LTBP1: variants seen among roughly 807,000 people sequenced by gnomAD.
LTBP1 encodes the protein latent transforming growth factor beta binding protein 1, also known as latent-transforming growth factor beta-binding protein 1.
A neutral mutation model predicts 207.6 loss-of-function variants in LTBP1; 129 were observed. That is an observed-to-expected ratio of 0.62 (90% CI 0.54 to 0.72). The LOEUF is 0.72. LTBP1 is among the 30% of genes least tolerant of loss of function. The probability of loss-of-function intolerance (pLI) is 0.00; values close to 1 mark genes in which losing one functional copy is unlikely to be tolerated. For missense variants in LTBP1, 2,281 were observed against 2,217.2 expected (o/e 1.03, Z -0.58); for synonymous variants, 963 against 833.7 (o/e 1.16, Z -2.67).
intron 31 of LTBP1, among the ~76,000 whole-genome samples, 189 bp from the exon 32 acceptor site, chr2:33,388,995 C>T (rs1239174095): frequency 1.3e-5 from 2 of 152,140 alleles, no homozygotes; most frequent in South Asian, 2.1e-4. Flanking sequence ...GTACAGCAGT[C>T]GTTGTACGTG....
At chr2:33,017,085 A>G (rs78766656) in intron 2 of LTBP1, among the ~76,000 whole-genome samples, 6,836 of 152,294 alleles carry the variant, frequency 0.045, 506 homozygotes, top group East Asian at 0.28. Context: ...ATAGTCCAAC[A>G]CCTTAGTTAT....
intron 2 of LTBP1, among the ~76,000 whole-genome samples, chr2:32,996,949 A>G (rs192788461): frequency 1.3e-5 from 2 of 152,158 alleles, no homozygotes; most frequent in African/African-American, 4.8e-5. Context: ...CTGTGGCATA[A>G]TCTTGGCTCA....
At chr2:33,289,874 A>T (rs76767293) in intron 19 of LTBP1, among the ~76,000 whole-genome samples, 5 of 152,320 alleles carry the variant, frequency 3.3e-5, no homozygotes, top group Non-Finnish European at 7.4e-5. Flanking sequence ...GGGAAAAGGC[A>T]ACCATGGGGT....
chr2:33,273,572 A>C, intron 15 of LTBP1, 84 bp from the exon 16 acceptor site: 2 of 1,118,898 alleles, frequency 1.8e-6, no homozygotes, highest in African/African-American at 3.2e-5. Context: ...GTTGGTCAGG[A>C]AACTCAAAGT....
At position 33,362,086 on chromosome 2, in the gene LTBP1, C is replaced by T. The variant is rs537906116; in HGVS notation, c.4270+571C>T. Among the ~76,000 whole-genome samples, 22 of 152,150 alleles carry T rather than the reference C, an allele frequency of 1.4e-4. No individual in the cohort carries two copies. The East Asian group carries it at 2.7e-3, about 19-fold the overall frequency. On this transcript the variant is annotated intron_variant, in intron 28 of 33. Transcript: ENST00000404816. ...GTTATATAATTCTAAAATAAATGTGCGGCCTTTTAATTTTGGTGAATATCC... is the reference window on the plus strand; with the variant it reads ...GTTATATAATTCTAAAATAAATGTGTGGCCTTTTAATTTTGGTGAATATCC...
intron 3 of LTBP1, among the ~76,000 whole-genome samples, chr2:33,081,928 G>C (rs886111491): frequency 6.6e-6 from 1 of 152,106 alleles, no homozygotes; most frequent in African/African-American, 2.4e-5. Flanking sequence ...CCGCCACCAC[G>C]ATTGTTAAGT....
chr2:33,037,681 G>A (rs2075991128), intron 3 of LTBP1, among the ~76,000 whole-genome samples: 1 of 151,888 alleles, frequency 6.6e-6, no homozygotes, highest in South Asian at 2.1e-4. Context: ...AGTATTCATT[G>A]GAATTTTATT....
chr2:33,352,971 T>G (rs13035851), intron 26 of LTBP1, among the ~76,000 whole-genome samples: 12 of 60,666 alleles, frequency 2.0e-4, no homozygotes, highest in African/African-American at 1.5e-3. Flanking sequence ...TAAGCCTTTC[T>G]TTTTTTTTTT....
intron 10 of LTBP1, among the ~76,000 whole-genome samples, chr2:33,247,713 A>T (rs1159331364): frequency 6.6e-6 from 1 of 152,244 alleles, no homozygotes. Flanking sequence ...GTGCCACCTC[A>T]TACAGCAGCC....
intron 3 of LTBP1, among the ~76,000 whole-genome samples, chr2:33,103,633 T>TG (rs780868356): frequency 0.043 from 5,289 of 122,938 alleles, 155 homozygotes; most frequent in Non-Finnish European, 0.063. Flanking sequence ...GTGTGAGTGT[T>TG]ATGCTGCCAT....
chr2:33,345,449 A>G (rs2094689311), intron 25 of LTBP1, among the ~76,000 whole-genome samples: 1 of 152,256 alleles, frequency 6.6e-6, no homozygotes, highest in South Asian at 2.1e-4. Flanking sequence ...GATGGGATAG[A>G]GTTTATTAGC....
intron 32 of LTBP1, 30 bp downstream of exon 32, chr2:33,389,336 C>G: frequency 6.2e-7 from 1 of 1,612,646 alleles, no homozygotes; most frequent in Non-Finnish European, 8.5e-7. Context: ...TCCTTTGATA[C>G]TAAGTTGTGG....
At chr2:33,194,371 C>A (rs1394112498) in intron 7 of LTBP1, among the ~76,000 whole-genome samples, 1 of 152,000 alleles carries the variant, frequency 6.6e-6, no homozygotes, top group Non-Finnish European at 1.5e-5. Flanking sequence ...AAAAGCTAGG[C>A]CTTTGCATCA....
At chr2:32,956,913 A>G (rs908430235) in intron 2 of LTBP1, among the ~76,000 whole-genome samples, 1 of 152,212 alleles carries the variant, frequency 6.6e-6, no homozygotes, top group Non-Finnish European at 1.5e-5. Context: ...CATCTCCATC[A>G]CAGCTTACAG....
chr2:33,363,323 T>C (rs965222047), intron 28 of LTBP1, 67 bp from the exon 29 acceptor site: 1 of 1,542,366 alleles, frequency 6.5e-7, no homozygotes. Context: ...CAAATCTGGT[T>C]AGACTCTTTT....
chr2:33,332,372 CAAAAAAAAAA>C (rs745342264), intron 24 of LTBP1, among the ~76,000 whole-genome samples: 25 of 52,480 alleles, frequency 4.8e-4, no homozygotes, highest in Admixed American at 8.8e-4. Context: ...ACACCATCTC[CAAAAAAAAAA>C]AAAAAAAAAA....
intron 18 of LTBP1, among the ~76,000 whole-genome samples, chr2:33,278,686 G>A (rs2093496807): frequency 6.6e-6 from 1 of 152,086 alleles, no homozygotes; most frequent in Non-Finnish European, 1.5e-5. Flanking sequence ...CTGTCTCGAT[G>A]GCATTCTCTG....
intron 2 of LTBP1, among the ~76,000 whole-genome samples, chr2:33,002,620 GC>G (rs1686194286): frequency 6.6e-6 from 1 of 152,172 alleles, no homozygotes; most frequent in South Asian, 2.1e-4. Context: ...TGGGCATGAT[GC>G]CCTGAAAAAA....
intron 19 of LTBP1, among the ~76,000 whole-genome samples, chr2:33,289,227 A>G (rs550444490): frequency 1.3e-5 from 2 of 152,352 alleles, no homozygotes; most frequent in African/African-American, 4.8e-5. Context: ...CTATCTGCCT[A>G]CCAAGTCTGA....
Sources: allele counts gnomAD v4.1 joint callset (sites outside exome capture counted in the v4.1 genomes callset), GRCh38; gene constraint gnomAD v4.1.1; transcripts MANE v1.5; gene names NCBI Gene and HGNC (gene_info 2026-07-23, HGNC 2026-07-21).